Variants in RBFOX1 observed in about 807,000 individuals in gnomAD.
The protein encoded by RBFOX1 is RNA binding fox-1 homolog 1, also known as RNA binding protein fox-1 homolog 1.
Under a neutral mutation model 57.7 loss-of-function variants are expected in RBFOX1, and 8 were observed. The ratio of observed to expected loss-of-function variants is 0.14; its 90% confidence interval spans 0.08 to 0.25. The LOEUF is 0.25. Among genes scored for constraint, RBFOX1 ranks in the 10% least tolerant of loss-of-function variants. RBFOX1 has a pLI of 1.00. For missense variants in RBFOX1, 611 were observed against 548.5 expected (o/e 1.11, Z -1.14); for synonymous variants, 326 against 222.4 (o/e 1.47, Z -4.15).
intron 3 of RBFOX1, among the ~76,000 whole-genome samples, chr16:5,729,400 T>TC (rs967803018): frequency 7.3e-5 from 6 of 82,526 alleles, no homozygotes; most frequent in Non-Finnish European, 1.3e-4. Flanking sequence ...TCTTTTCTTT[T>TC]TTTTTTTTTT....
intron 2 of RBFOX1, among the ~76,000 whole-genome samples, chr16:6,574,456 T>C (rs1172495426): frequency 5.6e-5 from 7 of 124,570 alleles, no homozygotes; most frequent in African/African-American, 2.0e-4. Context: ...TGAGACTGAG[T>C]CTTGCTCTGT....
At chr16:6,796,104 G>T (rs2083964621) in intron 3 of RBFOX1, among the ~76,000 whole-genome samples, 1 of 150,310 alleles carries the variant, frequency 6.7e-6, no homozygotes, top group African/African-American at 2.5e-5. Context: ...ACGTGGCTGG[G>T]GAGGCCTCAC....
chr16:5,448,331 G>T (rs183301925), intron 1 of RBFOX1, among the ~76,000 whole-genome samples: 1 of 152,214 alleles, frequency 6.6e-6, no homozygotes, highest in Non-Finnish European at 1.5e-5. Context: ...AGAGAGAAAG[G>T]AAACACCGTC....
chr16:5,316,323 C>G (rs1373494051), intron 1 of RBFOX1, among the ~76,000 whole-genome samples: 1 of 152,218 alleles, frequency 6.6e-6, no homozygotes, highest in Non-Finnish European at 1.5e-5. Flanking sequence ...ATTGCACCTT[C>G]TATAATGTGA....
intron 1 of RBFOX1, among the ~76,000 whole-genome samples, chr16:6,128,024 T>G (rs545706418): frequency 1.3e-5 from 2 of 152,292 alleles, no homozygotes; most frequent in East Asian, 1.9e-4. Flanking sequence ...TCTGGAGCTG[T>G]GCTGTGAAGT....
At chr16:7,168,914 C>G (rs550053617) in intron 4 of RBFOX1, among the ~76,000 whole-genome samples, 26 of 151,706 alleles carry the variant, frequency 1.7e-4, no homozygotes, top group African/African-American at 6.1e-4. Context: ...TTCTTAATGT[C>G]ATATATATTT....
chr16:5,872,024 C>G (rs2057486768), intron 4 of RBFOX1, among the ~76,000 whole-genome samples: 1 of 152,130 alleles, frequency 6.6e-6, no homozygotes, highest in Non-Finnish European at 1.5e-5. Context: ...AAACTTTATC[C>G]TAGGCCTAGG....
At chr16:6,375,651 C>CA (rs1290645954) in intron 2 of RBFOX1, among the ~76,000 whole-genome samples, 1 of 152,098 alleles carries the variant, frequency 6.6e-6, no homozygotes, top group Non-Finnish European at 1.5e-5. Flanking sequence ...CCTGCCAGCC[C>CA]AGCCTCTTCA....
intron 3 of RBFOX1, among the ~76,000 whole-genome samples, chr16:6,691,291 A>AG (rs1325427289): frequency 1.3e-5 from 2 of 152,128 alleles, no homozygotes; most frequent in East Asian, 3.9e-4. Flanking sequence ...CTGCAGAGGT[A>AG]GGGGGTGGCA....
At chr16:6,363,878 A>T (rs1416504140) in intron 2 of RBFOX1, among the ~76,000 whole-genome samples, 1 of 152,198 alleles carries the variant, frequency 6.6e-6, no homozygotes, top group Admixed American at 6.5e-5. Context: ...TGTTTTATTA[A>T]ATGAAACTAG....
At chr16:7,367,733 A>T (rs1596575988) in intron 4 of RBFOX1, among the ~76,000 whole-genome samples, 1 of 152,138 alleles carries the variant, frequency 6.6e-6, no homozygotes, top group Admixed American at 6.5e-5. Context: ...AGCTGCAGTC[A>T]TTTTTTTCAA....
rs112914400 is a variant in RBFOX1, at chr16:6,107,227, C to T, written c.-127+87235C>T. ...CTGTGGCCTCTTTGCTTATCATGGC[C>T]TGGTGACCCCCTAGTACCTGATGAT... On this transcript the variant is annotated intron_variant, in intron 1 of 15. Transcript: ENST00000550418. Among the ~76,000 whole-genome samples the T allele has an allele frequency of 9.7e-4, 147 of 152,192 alleles. No homozygotes were observed. The Middle Eastern group carries it at 0.024, about 25-fold the overall frequency.
chr16:7,173,369 C>G (rs921621158), intron 4 of RBFOX1, among the ~76,000 whole-genome samples: 1 of 152,152 alleles, frequency 6.6e-6, no homozygotes, highest in African/African-American at 2.4e-5. Context: ...ACTCCATTCA[C>G]TGTCATGCTA....
At chr16:6,017,165 A>G (rs1446006572), upstream of RBFOX1, among the ~76,000 whole-genome samples, 2 of 152,252 alleles carry the variant, frequency 1.3e-5, no homozygotes, top group East Asian at 3.8e-4. Flanking sequence ...ATTTTAATGT[A>G]ACAACAGCTG....
At chr16:7,305,434 T>A (rs760781662) in intron 4 of RBFOX1, among the ~76,000 whole-genome samples, 2 of 152,102 alleles carry the variant, frequency 1.3e-5, no homozygotes, top group Non-Finnish European at 2.9e-5. Context: ...AGAAGGGGTT[T>A]TGTCATGCAG....
chr16:5,795,630 C>A (rs1005983950), intron 3 of RBFOX1, among the ~76,000 whole-genome samples: 1 of 152,162 alleles, frequency 6.6e-6, no homozygotes, highest in Non-Finnish European at 1.5e-5. Flanking sequence ...GGAATTCTTT[C>A]CCCTCCTTAC....
intron 2 of RBFOX1, among the ~76,000 whole-genome samples, chr16:6,561,903 A>C (rs1489145737): frequency 6.6e-6 from 1 of 152,162 alleles, no homozygotes; most frequent in African/African-American, 2.4e-5. Flanking sequence ...CACTTTGCCT[A>C]ATGAGTATGT....
intron 14 of RBFOX1, among the ~76,000 whole-genome samples, chr16:7,690,924 G>T (rs2077176762): frequency 6.6e-6 from 1 of 152,022 alleles, no homozygotes; most frequent in Non-Finnish European, 1.5e-5. Context: ...TGACACTGCA[G>T]GCCACCAAAG....
chr16:6,359,115 C>T (rs570129586), intron 2 of RBFOX1, among the ~76,000 whole-genome samples: 95 of 149,960 alleles, frequency 6.3e-4, no homozygotes, highest in African/African-American at 1.9e-3. Context: ...TGTTTTGAGA[C>T]GGAGTCTAGC....
Sources: allele counts gnomAD v4.1 joint callset (sites outside exome capture counted in the v4.1 genomes callset), GRCh38; gene constraint gnomAD v4.1.1; transcripts MANE v1.5; gene names NCBI Gene and HGNC (gene_info 2026-07-23, HGNC 2026-07-21).